Variants in PAK5 observed in about 807,000 individuals in gnomAD.
PAK5 encodes serine/threonine-protein kinase PAK 5.
Under a neutral mutation model 65.9 loss-of-function variants are expected in PAK5, and 16 were observed. That is an observed-to-expected ratio of 0.24 (90% CI 0.16 to 0.37). The LOEUF is 0.37. Ranked by LOEUF, PAK5 falls within the 10% of genes least tolerant of loss-of-function variation. PAK5 has a pLI of 1.00. For missense variants in PAK5, 785 were observed against 903.9 expected, an observed-to-expected ratio of 0.87 and a Z score of 1.69; for synonymous variants, 371 against 354.9, an observed-to-expected ratio of 1.05 and a Z score of -0.51.
At chr20:9,653,116 T>C (rs2047222311) in intron 2 of PAK5, among the ~76,000 whole-genome samples, 1 of 152,188 alleles carries the variant, frequency 6.6e-6, no homozygotes, top group Non-Finnish European at 1.5e-5. Context: ...TATCCAGTAT[T>C]GACAAAAGGC....
chr20:9,652,844 C>T (rs1459838837), intron 2 of PAK5, among the ~76,000 whole-genome samples: 1 of 152,210 alleles, frequency 6.6e-6, no homozygotes, highest in Non-Finnish European at 1.5e-5. Context: ...ATTTGTCCTT[C>T]TCTACTTCTG....
chr20:9,603,950 T>G (rs763324110), intron 3 of PAK5, among the ~76,000 whole-genome samples: 25 of 152,216 alleles, frequency 1.6e-4, no homozygotes, highest in Admixed American at 6.5e-5. Context: ...CTGACAGTTG[T>G]GTTAAGAGCT....
At chr20:9,606,081 A>G (rs1480830932) in intron 3 of PAK5, among the ~76,000 whole-genome samples, 6 of 152,190 alleles carry the variant, frequency 3.9e-5, no homozygotes, top group Admixed American at 3.9e-4. Flanking sequence ...GTAATCTCCA[A>G]TGTTGGCGGT....
chr20:9,555,665 C>T (rs2045495107), intron 7 of PAK5, among the ~76,000 whole-genome samples: 1 of 152,198 alleles, frequency 6.6e-6, no homozygotes, highest in Non-Finnish European at 1.5e-5. Flanking sequence ...TCTTCTTCTA[C>T]CTGTATCCAC....
intron 2 of PAK5, among the ~76,000 whole-genome samples, chr20:9,662,444 A>C (rs2047359178): frequency 6.6e-6 from 1 of 152,190 alleles, no homozygotes; most frequent in East Asian, 1.9e-4. Flanking sequence ...ACAACTGGGC[A>C]AACATGTGCC....
At chr20:9,689,694 G>C (rs547679818) in intron 2 of PAK5, among the ~76,000 whole-genome samples, 1 of 152,308 alleles carries the variant, frequency 6.6e-6, no homozygotes, top group Non-Finnish European at 1.5e-5. Context: ...GTCTTTATCT[G>C]AAATGGCTTT....
At chr20:9,727,217 G>A (rs775386948) in intron 1 of PAK5, among the ~76,000 whole-genome samples, 75 of 152,238 alleles carry the variant, frequency 4.9e-4, no homozygotes, top group Admixed American at 9.2e-4. Flanking sequence ...TAATGGCAAA[G>A]CTGTAGCAAA....
In PAK5 at chr20:9,624,608, A is replaced by C. The variant is rs566476890; in HGVS notation, c.204+19517T>G. 6.3e-5 allele frequency among the ~76,000 whole-genome samples: 9 copies of C among 141,982 alleles called. No homozygotes were observed. In the East Asian group the frequency reaches 2.0e-3, roughly 31 times the overall value. 93.1% of individuals were successfully genotyped at this position (141,982 alleles called of 152,430 possible). ...TGTCTTATAATGTGCTAGTGTTCCC[A>C]TTATACCCTTGACAAGTCACAGCGA... On this transcript the variant is annotated intron_variant, in intron 3 of 9. Transcript: ENST00000353224.
intron 1 of PAK5, among the ~76,000 whole-genome samples, chr20:9,817,939 G>T (rs531178550): frequency 6.6e-6 from 1 of 152,190 alleles, no homozygotes; most frequent in Non-Finnish European, 1.5e-5. Context: ...GCAGCTAGGG[G>T]TCATCAGCTA....
At chr20:9,693,133 G>A (rs1275744019) in intron 2 of PAK5, among the ~76,000 whole-genome samples, 5 of 152,022 alleles carry the variant, frequency 3.3e-5, no homozygotes, top group Non-Finnish European at 5.9e-5. Flanking sequence ...TCCTGGTTCC[G>A]TGGATGGCAA....
At chr20:9,807,892 T>C (rs1664063765) in intron 1 of PAK5, among the ~76,000 whole-genome samples, 1 of 151,918 alleles carries the variant, frequency 6.6e-6, no homozygotes, top group Non-Finnish European at 1.5e-5. Flanking sequence ...GATGGAGAAA[T>C]CTGAGATCCC....
At chr20:9,542,366 C>T (rs530453504) in intron 9 of PAK5, among the ~76,000 whole-genome samples, 64 of 152,246 alleles carry the variant, frequency 4.2e-4, no homozygotes, top group African/African-American at 1.5e-3. Flanking sequence ...CAATCATAAC[C>T]CATTTTACAG....
At chr20:9,836,729 T>C (rs2123797481) in intron 1 of PAK5, among the ~76,000 whole-genome samples, 1 of 152,320 alleles carries the variant, frequency 6.6e-6, no homozygotes, top group African/African-American at 2.4e-5. Context: ...AATCATTATA[T>C]AGGGCACATA....
intron 2 of PAK5, among the ~76,000 whole-genome samples, chr20:9,684,486 G>T (rs2047691888): frequency 6.6e-6 from 1 of 152,198 alleles, no homozygotes; most frequent in Non-Finnish European, 1.5e-5. Context: ...TTAGAAACGT[G>T]CAGAAAAAAG....
At chr20:9,774,815 G>T (rs1398352829) in intron 1 of PAK5, among the ~76,000 whole-genome samples, 1 of 152,060 alleles carries the variant, frequency 6.6e-6, no homozygotes, top group Non-Finnish European at 1.5e-5. Flanking sequence ...AAATAGCCAG[G>T]TGTGATGGTG....
chr20:9,639,298 A>C (rs1343946710), intron 3 of PAK5, among the ~76,000 whole-genome samples: 1 of 152,144 alleles, frequency 6.6e-6, no homozygotes, highest in Non-Finnish European at 1.5e-5. Flanking sequence ...TTTGACCACC[A>C]ATATTGTCTA....
intron 7 of PAK5, among the ~76,000 whole-genome samples, chr20:9,551,334 G>C (rs1297163156): frequency 1.3e-5 from 2 of 152,194 alleles, no homozygotes; most frequent in East Asian, 3.9e-4. Flanking sequence ...GTTAGGCTAA[G>C]AGAACTACCA....
At chr20:9,822,726 A>G (rs2049437420) in intron 1 of PAK5, among the ~76,000 whole-genome samples, 1 of 152,202 alleles carries the variant, frequency 6.6e-6, no homozygotes, top group Non-Finnish European at 1.5e-5. Flanking sequence ...GTATCCACCC[A>G]TATGCCTACT....
intron 1 of PAK5, among the ~76,000 whole-genome samples, chr20:9,723,716 C>T (rs2048243420): frequency 1.3e-5 from 2 of 152,088 alleles, no homozygotes; most frequent in East Asian, 1.9e-4. Flanking sequence ...AGCCATGTGG[C>T]CCTGGTCACC....
Sources: allele counts gnomAD v4.1 joint callset (sites outside exome capture counted in the v4.1 genomes callset), GRCh38; gene constraint gnomAD v4.1.1; transcripts MANE v1.5; gene names NCBI Gene and HGNC (gene_info 2026-07-23, HGNC 2026-07-21).